KCNH5: variants seen among roughly 807,000 people sequenced by gnomAD.
KCNH5 encodes potassium voltage-gated channel subfamily H member 5.
A neutral mutation model predicts 96.1 loss-of-function variants in KCNH5; 46 were observed. The observed-to-expected ratio is 0.48, with a 90% CI of 0.38 to 0.61. The LOEUF is 0.61. Ranked by LOEUF, KCNH5 falls within the 20% of genes least tolerant of loss-of-function variation. The probability of loss-of-function intolerance (pLI) is 0.00; values close to 1 mark genes in which losing one functional copy is unlikely to be tolerated. For missense variants in KCNH5, 907 were observed against 1,225.8 expected (o/e 0.74, Z 3.88); for synonymous variants, 439 against 449.8 (o/e 0.98, Z 0.30).
chr14:62,863,528 C>A (rs1339710386), intron 7 of KCNH5, among the ~76,000 whole-genome samples: 1 of 152,032 alleles, frequency 6.6e-6, no homozygotes, highest in Non-Finnish European at 1.5e-5. Context: ...ATATTATAAG[C>A]CATAGTATAT....
intron 7 of KCNH5, among the ~76,000 whole-genome samples, chr14:62,917,799 G>C (rs764708943): frequency 2.1e-4 from 32 of 152,076 alleles, no homozygotes; most frequent in Middle Eastern, 3.4e-3. Flanking sequence ...ACATTCCTAT[G>C]GCTCTTTTCT....
At chr14:63,036,094 T>C (rs1365317586) in intron 1 of KCNH5, among the ~76,000 whole-genome samples, 1 of 152,238 alleles carries the variant, frequency 6.6e-6, no homozygotes, top group East Asian at 1.9e-4. Context: ...TGATGATGTT[T>C]GCTCTAGTAC....
intron 7 of KCNH5, among the ~76,000 whole-genome samples, chr14:62,909,596 T>C (rs1889110488): frequency 6.6e-6 from 1 of 152,176 alleles, no homozygotes; most frequent in African/African-American, 2.4e-5. Context: ...TATTTCAAAA[T>C]AGAAGTGGAT....
chr14:62,996,280 A>G (rs1177793567), intron 4 of KCNH5, among the ~76,000 whole-genome samples: 1 of 152,234 alleles, frequency 6.6e-6, no homozygotes, highest in African/African-American at 2.4e-5. Flanking sequence ...AATAGAAAGT[A>G]GCTCCTACAC....
intron 7 of KCNH5, among the ~76,000 whole-genome samples, chr14:62,941,661 C>G (rs75191757): frequency 0.031 from 4,736 of 152,204 alleles, 121 homozygotes; most frequent in East Asian, 0.082. Flanking sequence ...AAAACTAAAG[C>G]CAGAAATGAA....
intron 7 of KCNH5, among the ~76,000 whole-genome samples, chr14:62,894,234 A>T (rs1268044809): frequency 6.6e-6 from 1 of 152,214 alleles, no homozygotes; most frequent in Non-Finnish European, 1.5e-5. Flanking sequence ...AATTGAACCT[A>T]TAATATCTCT....
At chr14:62,885,269 G>A (rs1238095177) in intron 7 of KCNH5, among the ~76,000 whole-genome samples, 1 of 152,110 alleles carries the variant, frequency 6.6e-6, no homozygotes, top group Non-Finnish European at 1.5e-5. Context: ...TTGGGGTGAT[G>A]TGACATCTAA....
chr14:62,851,574 C>T (rs1390215867), intron 7 of KCNH5, among the ~76,000 whole-genome samples: 1 of 142,456 alleles, frequency 7.0e-6, no homozygotes, highest in Non-Finnish European at 1.5e-5. Flanking sequence ...TTAAGAAAAA[C>T]AAACAGAAAT....
chr14:62,940,304 T>C (rs1889763199), intron 7 of KCNH5, among the ~76,000 whole-genome samples: 1 of 151,952 alleles, frequency 6.6e-6, no homozygotes, highest in South Asian at 2.1e-4. Flanking sequence ...AAGCCTAAGA[T>C]AGTCACTATC....
At chr14:62,710,006 C>T (rs1294198809) in intron 10 of KCNH5, among the ~76,000 whole-genome samples, 1 of 152,186 alleles carries the variant, frequency 6.6e-6, no homozygotes, top group Non-Finnish European at 1.5e-5. Context: ...ATAACAGACA[C>T]TCAGCATACG....
chr14:62,807,513 G>A (rs1038855256), intron 8 of KCNH5, among the ~76,000 whole-genome samples: 1 of 152,006 alleles, frequency 6.6e-6, no homozygotes, highest in Non-Finnish European at 1.5e-5. Context: ...AAAACATTTA[G>A]TCTAAATTAT....
chr14:62,983,419 CAT>C (rs1890648030), intron 5 of KCNH5, among the ~76,000 whole-genome samples: 2 of 151,144 alleles, frequency 1.3e-5, no homozygotes, highest in Non-Finnish European at 1.5e-5. Context: ...CATATATATA[CAT>C]ATGTGTGTGT....
intron 6 of KCNH5, among the ~76,000 whole-genome samples, chr14:62,979,477 T>C (rs1297436630): frequency 6.6e-6 from 1 of 151,952 alleles, no homozygotes; most frequent in Non-Finnish European, 1.5e-5. Context: ...AAATATTTTA[T>C]AGAAAAAGTC....
At chr14:62,883,120 C>T (rs190261691) in intron 7 of KCNH5, among the ~76,000 whole-genome samples, 19 of 152,330 alleles carry the variant, frequency 1.2e-4, no homozygotes, top group East Asian at 3.9e-4. Flanking sequence ...GAGTTGCACT[C>T]ATCAATCTGG....
At chr14:62,980,773 G>T in intron 6 of KCNH5, 99 bp downstream of exon 6, 1 of 1,257,672 alleles carries the variant, frequency 8.0e-7, no homozygotes, top group Non-Finnish European at 1.1e-6. Context: ...TGAAAGTGGT[G>T]GCTAAAAAGA....
chr14:62,886,251 C>A (rs1888594712), intron 7 of KCNH5, among the ~76,000 whole-genome samples: 1 of 152,106 alleles, frequency 6.6e-6, no homozygotes, highest in African/African-American at 2.4e-5. Context: ...CCTCTGGAAC[C>A]CATCAACCCA....
At chr14:62,833,098 G>C (rs1260877524) in intron 8 of KCNH5, among the ~76,000 whole-genome samples, 2 of 151,258 alleles carry the variant, frequency 1.3e-5, no homozygotes, top group East Asian at 3.9e-4. Flanking sequence ...TTGTTTCGTT[G>C]GTCCTACAGA....
intron 8 of KCNH5, among the ~76,000 whole-genome samples, chr14:62,846,703 T>C (rs1388577879): frequency 2.0e-5 from 3 of 151,270 alleles, no homozygotes; most frequent in Non-Finnish European, 4.4e-5. Flanking sequence ...CTGAGATATC[T>C]ATTCCCTCTC....
At chr14:62,885,432 T>C (rs535766601) in intron 7 of KCNH5, among the ~76,000 whole-genome samples, 2 of 152,340 alleles carry the variant, frequency 1.3e-5, no homozygotes, top group African/African-American at 4.8e-5. Context: ...GTTGAAAATA[T>C]TCTTACAGGA....
Sources: allele counts gnomAD v4.1 joint callset (sites outside exome capture counted in the v4.1 genomes callset), GRCh38; gene constraint gnomAD v4.1.1; transcripts MANE v1.5; gene names NCBI Gene and HGNC (gene_info 2026-07-23, HGNC 2026-07-21).